Variants in MEGF9 observed in about 807,000 individuals in gnomAD.
The protein encoded by MEGF9 is multiple EGF like domains 9, also known as multiple epidermal growth factor-like domains protein 9.
MEGF9 carries 6 observed loss-of-function variants against 46.8 expected under a neutral mutation model. That is an observed-to-expected ratio of 0.13 (90% CI 0.07 to 0.25). MEGF9 has a LOEUF of 0.25. Ranked by LOEUF, MEGF9 falls within the 10% of genes least tolerant of loss-of-function variation. The probability of loss-of-function intolerance (pLI) is 1.00; values close to 1 mark genes in which losing one functional copy is unlikely to be tolerated. For synonymous variants in MEGF9, 302 were observed against 330.7 expected, an observed-to-expected ratio of 0.91 and a Z score of 0.94; for missense variants, 683 against 792.4, an observed-to-expected ratio of 0.86 and a Z score of 1.66.
rs945936263 is a variant in MEGF9 at position 120,651,772 on chromosome 9, C to T, written c.803+7602G>A. ...GGTTCAAGCGATTCTCCTGTCTCAGCCTCCTGTGTAGCTGGGATTACAGGC... is the reference window on the plus strand; with the variant it reads ...GGTTCAAGCGATTCTCCTGTCTCAGTCTCCTGTGTAGCTGGGATTACAGGC... On this transcript the variant is annotated intron_variant, in intron 2 of 5. Coordinates refer to ENST00000373930, the MANE Select transcript of MEGF9 (RefSeq NM_001080497.3). Among the ~76,000 whole-genome samples, 19 of 151,426 alleles carry T rather than the reference C, an allele frequency of 1.3e-4. 1 individual carries two copies. The highest frequency in any genetic ancestry group is 3.4e-4 in the African/African-American group (14 of 41,160).
At chr9:120,709,185 C>T (rs1460978984) in intron 1 of MEGF9, among the ~76,000 whole-genome samples, 2 of 151,996 alleles carry the variant, frequency 1.3e-5, no homozygotes, top group South Asian at 2.1e-4. Context: ...CCAGCACTTT[C>T]GGAGGCTGAA....
chr9:120,638,608 C>T (rs966045571), intron 2 of MEGF9, among the ~76,000 whole-genome samples: 13 of 152,208 alleles, frequency 8.5e-5, no homozygotes, highest in African/African-American at 3.1e-4. Context: ...AATTTATACT[C>T]CCATCAGCAA....
chr9:120,689,937 G>GTT (rs757815749), intron 1 of MEGF9: 1 of 531,918 alleles, frequency 1.9e-6, no homozygotes, highest in Non-Finnish European at 3.9e-6. Flanking sequence ...CGTTTTAACA[G>GTT]CTTCTGAGAC....
At chr9:120,645,978 T>C (rs2043624566) in intron 2 of MEGF9, among the ~76,000 whole-genome samples, 1 of 152,144 alleles carries the variant, frequency 6.6e-6, no homozygotes, top group Non-Finnish European at 1.5e-5. Flanking sequence ...AAAGGAAGAA[T>C]GGTAAGCACA....
At chr9:120,694,443 A>G (rs2043865589) in intron 1 of MEGF9, among the ~76,000 whole-genome samples, 1 of 152,270 alleles carries the variant, frequency 6.6e-6, no homozygotes, top group African/African-American at 2.4e-5. Flanking sequence ...TATGCAATAA[A>G]AAGTACAGCT....
At chr9:120,650,623 G>A (rs1240261942) in intron 2 of MEGF9, among the ~76,000 whole-genome samples, 1 of 152,146 alleles carries the variant, frequency 6.6e-6, no homozygotes, top group Non-Finnish European at 1.5e-5. Context: ...TAAAGAATAG[G>A]GAAATGAATT....
intron 2 of MEGF9, among the ~76,000 whole-genome samples, chr9:120,638,142 C>A (rs983507585): frequency 6.6e-6 from 1 of 152,026 alleles, no homozygotes; most frequent in Non-Finnish European, 1.5e-5. Flanking sequence ...TATAGGTGCA[C>A]GCTGCCACAC....
At chr9:120,704,940 A>T (rs1281078958) in intron 1 of MEGF9, among the ~76,000 whole-genome samples, 1 of 152,226 alleles carries the variant, frequency 6.6e-6, no homozygotes, top group Non-Finnish European at 1.5e-5. Context: ...AGGTCATGTT[A>T]TTCATAAATA....
rs577901196 is a variant in MEGF9 at position 120,618,535 on chromosome 9, C to T, written c.943+4081G>A. 7.2e-5 allele frequency among the ~76,000 whole-genome samples: 11 copies of T among 152,164 alleles called. No individual in the cohort carries two copies. The South Asian group carries it at 2.3e-3, about 32-fold the overall frequency. On this transcript the variant is annotated intron_variant, in intron 3 of 5. Coordinates refer to ENST00000373930, the MANE Select transcript of MEGF9 (RefSeq NM_001080497.3). ...CCACTTCCATTTTAAGGGAAACGTG[C>T]TTAATAAAGAAAATCTAGAAAAATA...
chr9:120,653,479 C>A lies in MEGF9; in HGVS notation c.803+5895G>T, dbSNP rs191223149. Among the ~76,000 whole-genome samples, 3 of 151,340 alleles carry A rather than the reference C, an allele frequency of 2.0e-5. No homozygotes were observed. The East Asian group carries it at 5.8e-4, about 29-fold the overall frequency. ...TTCCACCTCCCAGGTTCAAGCAATT[C>A]TCCCACCTCAGCCTCCCAAGCAGCT... is the stretch of plus-strand genomic sequence containing the variant. On this transcript the variant is annotated intron_variant, in intron 2 of 5. Transcript: ENST00000373930.
intron 2 of MEGF9, among the ~76,000 whole-genome samples, chr9:120,625,853 A>AAAAGAAAGAAAG: frequency 9.4e-6 from 1 of 106,064 alleles, no homozygotes; most frequent in Non-Finnish European, 1.9e-5. Flanking sequence ...AAAAAAAAAA[A>AAAAGAAAGAAAG]AAAGAAAGAA....
chr9:120,618,874 G>A (rs1041596903), intron 3 of MEGF9, among the ~76,000 whole-genome samples: 1 of 150,480 alleles, frequency 6.6e-6, no homozygotes, highest in African/African-American at 2.5e-5. Context: ...ACTCCAGCCT[G>A]GTGACAGAGC....
At chr9:120,672,370 A>C (rs2043753253) in intron 1 of MEGF9, among the ~76,000 whole-genome samples, 1 of 152,116 alleles carries the variant, frequency 6.6e-6, no homozygotes, top group South Asian at 2.1e-4. Flanking sequence ...AGGTGGGAGG[A>C]TTACATGAAT....
intron 1 of MEGF9, among the ~76,000 whole-genome samples, chr9:120,680,285 C>G (rs1202583756): frequency 6.6e-6 from 1 of 152,148 alleles, no homozygotes; most frequent in African/African-American, 2.4e-5. Flanking sequence ...TCTCCACAGT[C>G]TGGGCTTGTG....
Position 120,603,656 on chromosome 9 carries a change from C to T in MEGF9, c.*1534G>A, listed in dbSNP as rs532618569. On this transcript the variant is annotated 3_prime_UTR_variant, in exon 6 of 6. Coordinates refer to ENST00000373930, the MANE Select transcript of MEGF9 (RefSeq NM_001080497.3). The stretch of plus-strand genomic sequence containing the variant: ...ATTTAACATCTGACCACCTTTCCCA[C>T]CCACCTTGCTTAACCCAAAATGTCA... 3.6e-4 allele frequency: 55 copies of T among 152,344 alleles called. No homozygotes were observed. The highest frequency in any genetic ancestry group is 3.4e-3 in the Middle Eastern group (1 of 294). 9.4% of individuals were successfully genotyped at this position (152,344 alleles called of 1,614,324 possible). A position where few individuals can be genotyped will look rare whatever the true frequency, so the allele number is the denominator to read the frequency against.
chr9:120,672,462 AAATAAAT>A (rs1194729313), intron 1 of MEGF9, among the ~76,000 whole-genome samples: 23 of 151,716 alleles, frequency 1.5e-4, no homozygotes, highest in Non-Finnish European at 2.8e-4. Context: ...ATAAATAAAT[AAATAAAT>A]AAAAAGCCAG....
intron 2 of MEGF9, among the ~76,000 whole-genome samples, chr9:120,657,734 T>A (rs1021157207): frequency 6.6e-6 from 1 of 152,136 alleles, no homozygotes; most frequent in Admixed American, 6.5e-5. Flanking sequence ...TCTCAAAGAA[T>A]AGAGTGATTA....
At chr9:120,661,667 A>T (rs574265966) in intron 1 of MEGF9, among the ~76,000 whole-genome samples, 1 of 152,370 alleles carries the variant, frequency 6.6e-6, no homozygotes, top group Admixed American at 6.5e-5. Context: ...GCTTCCCATT[A>T]CAATCAAGAT....
intron 2 of MEGF9, among the ~76,000 whole-genome samples, chr9:120,656,276 G>A (rs1193430040): frequency 6.6e-6 from 1 of 152,088 alleles, no homozygotes; most frequent in Non-Finnish European, 1.5e-5. Flanking sequence ...GGCTGGGCAC[G>A]GTGGCTCACA....
Sources: gnomAD v4.1 joint callset for allele counts (sites outside exome capture counted in the v4.1 genomes callset) on GRCh38, gnomAD v4.1.1 for gene constraint, MANE v1.5 for transcripts, NCBI Gene and HGNC (gene_info 2026-07-23, HGNC 2026-07-21) for gene names.